The following NSD1 variants were observed in gnomAD, a reference collection of about 807,000 sequenced individuals.
The protein encoded by NSD1 is nuclear receptor binding SET domain protein 1.
A neutral mutation model predicts 242.7 loss-of-function variants in NSD1; 26 were observed. The observed-to-expected ratio is 0.11, with a 90% confidence interval of 0.08 to 0.15. NSD1 has a LOEUF of 0.15. Among genes scored for constraint, NSD1 ranks in the 10% least tolerant of loss-of-function variants. The probability of loss-of-function intolerance (pLI) is 1.00; values close to 1 mark genes in which losing one functional copy is unlikely to be tolerated. For synonymous variants in NSD1, 1,106 were observed against 1,178.1 expected (o/e 0.94, Z 1.25); for missense variants, 2,495 against 3,272.8 (o/e 0.76, Z 5.80).
At chr5:177,174,905 T>C (rs1581207217) in intron 2 of NSD1, among the ~76,000 whole-genome samples, 1 of 97,618 alleles carries the variant, frequency 1.0e-5, no homozygotes, top group Admixed American at 1.2e-4. Context: ...ACAGTCTCGC[T>C]CTGTCACCCA....
chr5:177,217,219 C>T (rs1194473353), intron 5 of NSD1, among the ~76,000 whole-genome samples: 1 of 152,056 alleles, frequency 6.6e-6, no homozygotes, highest in Non-Finnish European at 1.5e-5. Flanking sequence ...CATTTCTCCT[C>T]CTTGGTTAAG....
chr5:177,252,241 G>T (rs1756030439), intron 12 of NSD1, among the ~76,000 whole-genome samples: 1 of 152,128 alleles, frequency 6.6e-6, no homozygotes, highest in South Asian at 2.1e-4. Context: ...TGTTTATAGA[G>T]TTTAGGATAT....
At position 177,235,905 on chromosome 5, in the gene NSD1, C is replaced by T; in HGVS notation, c.3881C>T (p.Pro1294Leu). Residue 1294 changes from proline to leucine, a missense_variant, in exon 6 of 23, where the codon CCT becomes CTT. Around this residue, in one of 19 missense-constraint regions of NSD1, gnomAD observed 426 missense variants for 411.4 expected, o/e 1.04. Transcript: ENST00000439151. ...GAAGAATATGATCAGATATTTGCTC[C>T]TAAGAAAAAACAAAAGAAGGTACAG... ...YTEEYDQIFA[P>L]KKKQKKVQEQ... The T allele has an allele frequency of 6.2e-7, 1 of 1,613,876 alleles. No homozygotes were observed. Among genetic ancestry groups the T allele is most frequent in the Non-Finnish European group, 8.5e-7 (1 of 1,179,890 alleles).
rs1323592652 is a variant in NSD1 at position 177,193,235 on chromosome 5, G to T, written c.1063+1216G>T. ...GGCTCACTGCAAGCTCTGCCTGCTG[G>T]GTTCATGCCATTCTCCTGCCTCAGC... On this transcript the variant is annotated intron_variant, in intron 3 of 22. Coordinates refer to ENST00000439151, the MANE Select transcript of NSD1 (RefSeq NM_022455.5). Among the ~76,000 whole-genome samples, 3 of 151,996 alleles carry T rather than the reference G, an allele frequency of 2.0e-5. No individual in the cohort carries two copies. The East Asian group carries it at 5.8e-4, about 29-fold the overall frequency.
intron 8 of NSD1, among the ~76,000 whole-genome samples, chr5:177,243,270 C>T (rs1251981279): frequency 6.6e-6 from 1 of 151,776 alleles, no homozygotes; most frequent in African/African-American, 2.4e-5. Context: ...GTGCAACCTC[C>T]GCCTCCTGGG....
In NSD1 at chr5:177,211,929, T is replaced by A. The variant is rs1159357108; in HGVS notation, c.3530T>A (p.Phe1177Tyr). The A allele has an allele frequency of 1.2e-6, 2 of 1,604,626 alleles. No homozygotes were observed. The highest frequency in any genetic ancestry group is 3.4e-5 in the Admixed American group (2 of 58,230). The change falls in exon 5 of 23, where the codon TTT becomes TAT. Residue 1177 changes from phenylalanine (F) to tyrosine (Y), a missense_variant. Phe to Tyr is a conservative substitution (Grantham distance 22). Coordinates refer to ENST00000439151, the MANE Select transcript of NSD1 (RefSeq NM_022455.5). ...AAACCTCGTAAGCGCATGAACAGATTTAAAGAGAAAGAAAACTCTGAGTGT... is the reference window on the plus strand; with the variant it reads ...AAACCTCGTAAGCGCATGAACAGATATAAAGAGAAAGAAAACTCTGAGTGT... The part of the protein sequence containing the change: ...RTKPRKRMNR[F>Y]KEKENSECAF...
At chr5:177,219,268 C>T (rs1405581940) in intron 5 of NSD1, among the ~76,000 whole-genome samples, 1 of 151,924 alleles carries the variant, frequency 6.6e-6, no homozygotes, top group African/African-American at 2.4e-5. Context: ...TCACTGCAAG[C>T]TCCACCTCCC....
At position 177,299,506 on chromosome 5, in the gene NSD1, G is replaced by A; in HGVS notation, c.*4047G>A. ...GTTGTTAGAGAGCTCTGGTTGTTGG[G>A]TCTTCCTCAGCTCCCTTCTGCCCCT... On this transcript the variant is annotated 3_prime_UTR_variant, in exon 23 of 23. Transcript: ENST00000439151. The A allele has an allele frequency of 4.3e-6, 1 of 233,280 alleles. No individual in the cohort carries two copies. The highest frequency in any genetic ancestry group is 8.5e-6 in the Non-Finnish European group (1 of 118,056). The allele number at this position is 233,280 out of a possible 1,614,324, so 14.5% of individuals were successfully genotyped here.
intron 5 of NSD1, 77 bp from the exon 6 acceptor site, chr5:177,235,744 T>A: frequency 6.3e-7 from 1 of 1,582,758 alleles, no homozygotes; most frequent in South Asian, 1.1e-5. Context: ...CTTTTGGGAG[T>A]ATCAGATGGT....
intron 14 of NSD1, chr5:177,266,220 T>C (rs1271698057): frequency 1.1e-6 from 1 of 885,230 alleles, no homozygotes; most frequent in Non-Finnish European, 1.9e-6. Flanking sequence ...CTGATGATGA[T>C]GTTCACCTTT....
chr5:177,221,654 A>G lies in NSD1; in HGVS notation c.3796+9459A>G, dbSNP rs376570056. On this transcript the variant is annotated intron_variant, in intron 5 of 22. Coordinates refer to ENST00000439151, the MANE Select transcript of NSD1 (RefSeq NM_022455.5). ...CCTGGCTAATTTTTGCATTTTTAGTAGAGATGGGGTTTCACCTTGTCGGCC... is the reference window on the plus strand; with the variant it reads ...CCTGGCTAATTTTTGCATTTTTAGTGGAGATGGGGTTTCACCTTGTCGGCC... Among the ~76,000 whole-genome samples, 552 of 151,982 alleles carry G rather than the reference A, an allele frequency of 3.6e-3. 4 individuals carry two copies. Among genetic ancestry groups the G allele is most frequent in the African/African-American group, 0.013 (520 of 41,442 alleles).
At chr5:177,195,923 T>C (rs1762074178) in intron 3 of NSD1, among the ~76,000 whole-genome samples, 1 of 152,160 alleles carries the variant, frequency 6.6e-6, no homozygotes, top group Non-Finnish European at 1.5e-5. Context: ...AATTAGAATC[T>C]AGTATAAGGG....
intron 2 of NSD1, among the ~76,000 whole-genome samples, chr5:177,138,787 G>C (rs1415846361): frequency 1.3e-5 from 2 of 151,210 alleles, no homozygotes; most frequent in Non-Finnish European, 3.0e-5. Context: ...TTACAGGTGC[G>C]CACCACCACC....
Position 177,249,774 on chromosome 5 carries a change from A to C in NSD1, c.4641+1450A>C, listed in dbSNP as rs1043796277. 2.0e-5 allele frequency among the ~76,000 whole-genome samples: 3 copies of C among 152,322 alleles called. No homozygotes were observed. In the South Asian group the frequency reaches 6.2e-4, roughly 32 times the overall value. ...AGTGCTGGGATTACAGGCGTGAGCC[A>C]CCACGCCCGGCCAGTTCTTCTTTTT... On this transcript the variant is annotated intron_variant, in intron 11 of 22. Coordinates refer to ENST00000439151, the MANE Select transcript of NSD1 (RefSeq NM_022455.5).
In NSD1 at chr5:177,192,031, A is replaced by T; in HGVS notation, c.1063+12A>T. 6.2e-7 allele frequency: 1 copy of T among 1,613,658 alleles called. No individual in the cohort carries two copies. The highest frequency in any genetic ancestry group is 8.5e-7 in the Non-Finnish European group (1 of 1,179,626). On this transcript the variant is annotated intron_variant, in intron 3 of 22. Coordinates refer to ENST00000439151, the MANE Select transcript of NSD1 (RefSeq NM_022455.5). ...TTCAAAAATGAAAGGTAATACTTGC[A>T]GTGATTATACATGTTAAAGGCAGTT...
At chr5:177,150,234 A>G (rs1354339259) in intron 2 of NSD1, among the ~76,000 whole-genome samples, 3 of 152,046 alleles carry the variant, frequency 2.0e-5, no homozygotes, top group Non-Finnish European at 4.4e-5. Flanking sequence ...CCCGAGCTCA[A>G]GCGATTCTCC....
intron 2 of NSD1, among the ~76,000 whole-genome samples, chr5:177,168,054 G>A (rs1759355232): frequency 6.6e-6 from 1 of 152,154 alleles, no homozygotes; most frequent in Non-Finnish European, 1.5e-5. Context: ...CACTGAATCT[G>A]TAAATGATTT....
At chr5:177,159,516 T>G (rs958117055) in intron 2 of NSD1, among the ~76,000 whole-genome samples, 38 of 152,058 alleles carry the variant, frequency 2.5e-4, no homozygotes, top group Non-Finnish European at 1.0e-4. Flanking sequence ...ACTCCTGACC[T>G]CAGGTGAACC....
chr5:177,215,648 T>C (rs995089725), intron 5 of NSD1, among the ~76,000 whole-genome samples: 2 of 151,876 alleles, frequency 1.3e-5, no homozygotes, highest in Non-Finnish European at 2.9e-5. Context: ...CAAGCAATTC[T>C]TGTGCCCCAG....
Sources: gnomAD v4.1 joint callset for allele counts (sites outside exome capture counted in the v4.1 genomes callset) on GRCh38, gnomAD v4.1.1 for gene constraint, gnomAD v4.1.1 regional missense constraint, MANE v1.5 for transcripts, NCBI Gene and HGNC (gene_info 2026-07-23, HGNC 2026-07-21) for gene names.